The following NGF variants were observed in gnomAD, a reference collection of about 807,000 sequenced individuals.
NGF encodes the protein beta-nerve growth factor.
NGF carries 4 observed loss-of-function variants against 12.8 expected under a neutral mutation model. That is an observed-to-expected ratio of 0.31 (90% CI 0.15 to 0.72). The LOEUF is 0.72. NGF is among the 30% of genes least tolerant of loss of function. The pLI, the probability that NGF is intolerant of heterozygous loss-of-function variation, is 0.69. For synonymous variants in NGF, 140 were observed against 130.0 expected (o/e 1.08, Z -0.52); for missense variants, 283 against 330.8 (o/e 0.86, Z 1.12).
At chr1:115,323,298 T>C (rs771317680) in intron 1 of NGF, among the ~76,000 whole-genome samples, 7 of 152,172 alleles carry the variant, frequency 4.6e-5, no homozygotes, top group Non-Finnish European at 1.0e-4. Context: ...CCAGAGATCA[T>C]GCTTCAATGG....
intron 1 of NGF, among the ~76,000 whole-genome samples, chr1:115,295,182 C>A (rs1194442724): frequency 6.6e-6 from 1 of 152,172 alleles, no homozygotes; most frequent in Non-Finnish European, 1.5e-5. Flanking sequence ...CAAATTCCAA[C>A]CACGAAGAGG....
intron 1 of NGF, among the ~76,000 whole-genome samples, chr1:115,332,015 G>A (rs1654934826): frequency 6.6e-6 from 1 of 152,160 alleles, no homozygotes; most frequent in Non-Finnish European, 1.5e-5. Flanking sequence ...CTTGGCTCTT[G>A]GTCTGGGAGA....
chr1:115,299,615 G>A (rs1653974423), intron 1 of NGF, among the ~76,000 whole-genome samples: 1 of 152,208 alleles, frequency 6.6e-6, no homozygotes, highest in South Asian at 2.1e-4. Context: ...GTTGAGGGCA[G>A]AATATTTTTG....
intron 1 of NGF, among the ~76,000 whole-genome samples, chr1:115,295,825 T>C (rs1653850457): frequency 6.6e-6 from 1 of 152,140 alleles, no homozygotes. Flanking sequence ...AAAATTGGGA[T>C]TCATTTATTT....
chr1:115,294,325 A>G (rs1449963192), intron 1 of NGF, among the ~76,000 whole-genome samples: 2 of 152,228 alleles, frequency 1.3e-5, no homozygotes, highest in Non-Finnish European at 2.9e-5. Flanking sequence ...TTAGGATTGG[A>G]AGCTATGGAG....
Position 115,314,289 on chromosome 1 carries a change from C to T in NGF, c.-136-20539G>A, listed in dbSNP as rs536526413. Among the ~76,000 whole-genome samples the T allele has an allele frequency of 1.1e-4, 16 of 152,266 alleles. No homozygotes were observed. In the South Asian group the frequency reaches 3.1e-3, roughly 30 times the overall value. Reference sequence around the variant, plus strand: ...TTGCTCTCCCCAGAGCTTGGCTTTGCATGCTCAGGCCTGGCAAAGGGTTGC... The same window carrying T: ...TTGCTCTCCCCAGAGCTTGGCTTTGTATGCTCAGGCCTGGCAAAGGGTTGC... On this transcript the variant is annotated intron_variant, in intron 1 of 2. Coordinates refer to ENST00000369512, the MANE Select transcript of NGF (RefSeq NM_002506.3).
intron 1 of NGF, among the ~76,000 whole-genome samples, chr1:115,310,856 G>A (rs1237086312): frequency 6.6e-6 from 1 of 151,940 alleles, no homozygotes; most frequent in Non-Finnish European, 1.5e-5. Flanking sequence ...ATTGGGGCAA[G>A]GGGTGTGGGG....
chr1:115,321,808 T>C (rs1654636538), intron 1 of NGF, among the ~76,000 whole-genome samples: 1 of 152,136 alleles, frequency 6.6e-6, no homozygotes, highest in African/African-American at 2.4e-5. Flanking sequence ...AAGTCTTCCT[T>C]GTAATTAAAA....
intron 1 of NGF, among the ~76,000 whole-genome samples, chr1:115,323,582 T>G (rs1195703704): frequency 6.6e-6 from 1 of 152,204 alleles, no homozygotes; most frequent in Admixed American, 6.5e-5. Context: ...AATCCATATT[T>G]CTATGGACTG....
intron 2 of NGF, among the ~76,000 whole-genome samples, chr1:115,288,598 G>A (rs1215355305): frequency 6.6e-6 from 1 of 152,104 alleles, no homozygotes; most frequent in East Asian, 1.9e-4. Flanking sequence ...ATCCACTTGT[G>A]TATCTGGGCA....
At position 115,324,096 on chromosome 1, in the gene NGF, C is replaced by T. The variant is rs573799931; in HGVS notation, c.-137+14108G>A. 3.2e-4 allele frequency among the ~76,000 whole-genome samples: 49 copies of T among 152,302 alleles called. 1 individual carries two copies. In the South Asian group the frequency reaches 0.01, roughly 32 times the overall value. On this transcript the variant is annotated intron_variant, in intron 1 of 2. Coordinates refer to ENST00000369512, the MANE Select transcript of NGF (RefSeq NM_002506.3). The stretch of plus-strand genomic sequence containing the variant: ...TTATTTTGAGATGGTACAAGGGGCT[C>T]ACCTGGATGGAGGTGAACACCCACC...
At chr1:115,320,301 A>AT (rs1196344000) in intron 1 of NGF, among the ~76,000 whole-genome samples, 3 of 152,220 alleles carry the variant, frequency 2.0e-5, no homozygotes, top group Admixed American at 2.0e-4. Flanking sequence ...CTATGATAAA[A>AT]TTTAATTTAT....
intron 1 of NGF, among the ~76,000 whole-genome samples, chr1:115,318,158 A>G (rs1654521201): frequency 6.6e-6 from 1 of 152,164 alleles, no homozygotes; most frequent in Non-Finnish European, 1.5e-5. Flanking sequence ...AGGAAGCTTC[A>G]TGTGAATTAG....
At chr1:115,337,971 G>C (rs2101062569) in intron 1 of NGF, among the ~76,000 whole-genome samples, 1 of 152,282 alleles carries the variant, frequency 6.6e-6, no homozygotes, top group East Asian at 1.9e-4. Flanking sequence ...GGGACTCCAC[G>C]ACCAGAACTA....
At chr1:115,304,606 T>C (rs189957453) in intron 1 of NGF, among the ~76,000 whole-genome samples, 24 of 152,202 alleles carry the variant, frequency 1.6e-4, no homozygotes, top group African/African-American at 5.5e-4. Context: ...TTTCAATTTC[T>C]TCACATCTGA....
intron 2 of NGF, among the ~76,000 whole-genome samples, chr1:115,290,984 C>G (rs1413387528): frequency 6.6e-6 from 1 of 152,176 alleles, no homozygotes; most frequent in Non-Finnish European, 1.5e-5. Context: ...TCTACCCTGC[C>G]TTGCATCTGC....
At chr1:115,313,697 A>G (rs1327270690) in intron 1 of NGF, among the ~76,000 whole-genome samples, 2 of 152,222 alleles carry the variant, frequency 1.3e-5, no homozygotes. Flanking sequence ...TTTAAAAATA[A>G]TTGATAGTGA....
At chr1:115,330,461 T>C (rs1373928550) in intron 1 of NGF, among the ~76,000 whole-genome samples, 2 of 152,214 alleles carry the variant, frequency 1.3e-5, no homozygotes, top group Non-Finnish European at 2.9e-5. Flanking sequence ...AAAAGAAACA[T>C]GCAAGGTGTT....
intron 1 of NGF, among the ~76,000 whole-genome samples, chr1:115,301,809 C>T (rs1331841267): frequency 6.6e-6 from 1 of 152,238 alleles, no homozygotes; most frequent in Non-Finnish European, 1.5e-5. Flanking sequence ...CCAGCTATGG[C>T]TGTGTTCATC....
Sources: allele counts gnomAD v4.1 joint callset (sites outside exome capture counted in the v4.1 genomes callset), GRCh38; gene constraint gnomAD v4.1.1; transcripts MANE v1.5; gene names NCBI Gene and HGNC (gene_info 2026-07-23, HGNC 2026-07-21).